Variants in TMEM163 observed in about 807,000 individuals in gnomAD.
TMEM163 encodes transmembrane protein 163.
In TMEM163, 17 loss-of-function variants were observed where a neutral mutation model predicts 29.3. The observed-to-expected ratio is 0.58, with a 90% CI of 0.40 to 0.87. The LOEUF (loss-of-function observed/expected upper bound fraction) is 0.87. Among genes scored for constraint, TMEM163 ranks in the 40% least tolerant of loss-of-function variants. The pLI is 0.00. For missense variants in TMEM163, 303 were observed against 381.5 expected (o/e 0.79, Z 1.71); for synonymous variants, 157 against 160.6 (o/e 0.98, Z 0.17).
At chr2:134,590,175 G>A (rs548964708) in intron 2 of TMEM163, among the ~76,000 whole-genome samples, 1 of 149,624 alleles carries the variant, frequency 6.7e-6, no homozygotes, top group East Asian at 2.0e-4. Flanking sequence ...CTAATTCTAT[G>A]AAATTTAAGG....
In TMEM163 at chr2:134,456,456, C is replaced by T. The variant is rs1436322484; in HGVS notation, c.*260G>A. 1.2e-5 allele frequency: 6 copies of T among 499,274 alleles called. No individual in the cohort carries two copies. The highest frequency in any genetic ancestry group is 6.6e-5 in the Admixed American group (2 of 30,126). 30.9% of individuals were successfully genotyped at this position (499,274 alleles called of 1,614,324 possible). On this transcript the variant is annotated 3_prime_UTR_variant, in exon 8 of 8. Coordinates refer to ENST00000281924, the MANE Select transcript of TMEM163 (RefSeq NM_030923.5). ...CCTACCCATGAGAACCATCATACTCCAGAGACTAAAAAACGCCAGTCCCAG... is the reference window on the plus strand; with the variant it reads ...CCTACCCATGAGAACCATCATACTCTAGAGACTAAAAAACGCCAGTCCCAG...
At chr2:134,629,564 T>C (rs1008972222) in intron 2 of TMEM163, among the ~76,000 whole-genome samples, 2 of 152,230 alleles carry the variant, frequency 1.3e-5, no homozygotes, top group African/African-American at 2.4e-5. Context: ...TCAGCCCTTG[T>C]ACCTTTCTGT....
intron 4 of TMEM163, among the ~76,000 whole-genome samples, chr2:134,510,947 C>A (rs905815931): frequency 2.6e-5 from 4 of 152,164 alleles, no homozygotes; most frequent in Non-Finnish European, 4.4e-5. Context: ...ATGTACACTG[C>A]ACAGGGAATG....
intron 4 of TMEM163, among the ~76,000 whole-genome samples, chr2:134,550,065 T>C (rs954726931): frequency 2.6e-5 from 4 of 152,190 alleles, no homozygotes; most frequent in African/African-American, 4.8e-5. Flanking sequence ...AAAAGACATA[T>C]GTTTTAGAGT....
chr2:134,619,320 A>G (rs984587604), intron 2 of TMEM163, among the ~76,000 whole-genome samples: 5 of 152,224 alleles, frequency 3.3e-5, no homozygotes, highest in Non-Finnish European at 7.4e-5. Flanking sequence ...GGTGAAACCA[A>G]TGTCCTTTAT....
intron 2 of TMEM163, among the ~76,000 whole-genome samples, chr2:134,680,852 T>G (rs1195689720): frequency 6.6e-6 from 1 of 152,026 alleles, no homozygotes; most frequent in Non-Finnish European, 1.5e-5. Context: ...GTTACTAACC[T>G]CTCCATACCT....
intron 4 of TMEM163, among the ~76,000 whole-genome samples, chr2:134,526,697 T>C (rs1680306479): frequency 6.6e-6 from 1 of 152,186 alleles, no homozygotes; most frequent in Non-Finnish European, 1.5e-5. Flanking sequence ...TGTAAGCTAC[T>C]TTACACCCAG....
intron 2 of TMEM163, among the ~76,000 whole-genome samples, chr2:134,554,449 G>C (rs529291818): frequency 2.4e-5 from 3 of 126,324 alleles, no homozygotes; most frequent in East Asian, 5.1e-4. Flanking sequence ...AAAAAAAAAA[G>C]AGAGAGAGAG....
intron 2 of TMEM163, 149 bp from the exon 3 acceptor site, chr2:134,552,240 T>G (rs1271355084): frequency 3.4e-6 from 2 of 593,472 alleles, no homozygotes; most frequent in African/African-American, 1.9e-5. Context: ...ATCTAAGAAT[T>G]TTTAAAAATG....
At chr2:134,561,368 T>C (rs1260466385) in intron 2 of TMEM163, among the ~76,000 whole-genome samples, 2 of 145,018 alleles carry the variant, frequency 1.4e-5, no homozygotes, top group Non-Finnish European at 2.9e-5. Context: ...CACACCCGGC[T>C]AATTTTTTTG....
At chr2:134,682,266 G>A (rs989735203) in intron 2 of TMEM163, among the ~76,000 whole-genome samples, 58 of 152,294 alleles carry the variant, frequency 3.8e-4, no homozygotes, top group African/African-American at 1.4e-3. Flanking sequence ...GGCTGAGGGA[G>A]GGGGATTTTC....
intron 2 of TMEM163, among the ~76,000 whole-genome samples, chr2:134,664,003 A>T (rs1425437366): frequency 6.6e-6 from 1 of 152,218 alleles, no homozygotes; most frequent in Non-Finnish European, 1.5e-5. Flanking sequence ...ACCCAAGTCA[A>T]ATGTCACCTC....
intron 2 of TMEM163, among the ~76,000 whole-genome samples, chr2:134,602,982 G>A (rs551162198): frequency 1.9e-4 from 29 of 152,112 alleles, no homozygotes; most frequent in African/African-American, 7.0e-4. Context: ...TCTGCCTTTG[G>A]GGGTATAGGC....
At chr2:134,493,160 C>A (rs1370086102) in intron 5 of TMEM163, among the ~76,000 whole-genome samples, 3 of 152,058 alleles carry the variant, frequency 2.0e-5, no homozygotes. Flanking sequence ...CTGCATAAAT[C>A]ATATAAGTCC....
At chr2:134,716,983 G>A (rs997372533) in intron 1 of TMEM163, among the ~76,000 whole-genome samples, 2 of 152,154 alleles carry the variant, frequency 1.3e-5, no homozygotes, top group Non-Finnish European at 2.9e-5. Flanking sequence ...GACAGTTTAC[G>A]AACAGTCAAT....
At chr2:134,625,485 C>G (rs1682828244) in intron 2 of TMEM163, among the ~76,000 whole-genome samples, 1 of 152,172 alleles carries the variant, frequency 6.6e-6, no homozygotes, top group Non-Finnish European at 1.5e-5. Flanking sequence ...GAAAACAAGT[C>G]ATACGCAGTT....
chr2:134,507,858 C>CACACACACACACACAG (rs953681113), intron 4 of TMEM163, among the ~76,000 whole-genome samples: 19 of 150,660 alleles, frequency 1.3e-4, no homozygotes, highest in East Asian at 1.2e-3. Flanking sequence ...CCCTGTCTCA[C>CACACACACACACACAG]ACACACACAC....
At chr2:134,530,359 T>C (rs758083188) in intron 4 of TMEM163, among the ~76,000 whole-genome samples, 2 of 152,160 alleles carry the variant, frequency 1.3e-5, no homozygotes. Context: ...GTAACCTCAA[T>C]CAACCTCCTA....
chr2:134,574,663 T>G (rs1285680692), intron 2 of TMEM163, among the ~76,000 whole-genome samples: 3 of 152,330 alleles, frequency 2.0e-5, no homozygotes, highest in Middle Eastern at 3.4e-3. Flanking sequence ...TCCTCAAATT[T>G]GCACCAAGAA....
Sources: allele counts gnomAD v4.1 joint callset (sites outside exome capture counted in the v4.1 genomes callset), GRCh38; gene constraint gnomAD v4.1.1; transcripts MANE v1.5; gene names NCBI Gene and HGNC (gene_info 2026-07-23, HGNC 2026-07-21).